The following DPP10 variants were observed in gnomAD, a reference collection of about 807,000 sequenced individuals.
DPP10 encodes the protein dipeptidyl peptidase like 10, also known as inactive dipeptidyl peptidase 10.
Under a neutral mutation model 120.9 loss-of-function variants are expected in DPP10, and 33 were observed. That is an observed-to-expected ratio of 0.27 (90% CI 0.21 to 0.37). DPP10 has a LOEUF of 0.37. DPP10 is among the 10% of genes least tolerant of loss of function. The pLI, the probability that DPP10 is intolerant of heterozygous loss-of-function variation, is 1.00. For synonymous variants in DPP10, 337 were observed against 326.1 expected (o/e 1.03, Z -0.36); for missense variants, 816 against 942.8 (o/e 0.87, Z 1.76).
intron 3 of DPP10, among the ~76,000 whole-genome samples, chr2:115,427,043 A>G (rs1446634498): frequency 6.6e-6 from 1 of 152,240 alleles, no homozygotes; most frequent in East Asian, 1.9e-4. Context: ...AGTTCAAAAC[A>G]CAGCAGGGTA....
chr2:114,552,390 A>G (rs2082132), intron 1 of DPP10, among the ~76,000 whole-genome samples: 6,636 of 152,244 alleles, frequency 0.044, 424 homozygotes, highest in East Asian at 0.22. Flanking sequence ...ACACATCTTC[A>G]TCTCTTAGGG....
Position 114,442,686 on chromosome 2 carries a change from A to C in DPP10, c.-93A>C. The C allele has an allele frequency of 7.1e-7, 1 of 1,402,274 alleles. No homozygotes were observed. The allele number at this position is 1,402,274 out of a possible 1,614,324, so 86.9% of individuals were successfully genotyped here. ...CAGTAGCAGCGGCAGCAGCAACAGC[A>C]GCAGCCCCTACTGAAGTCCAATAGA... is the stretch of plus-strand genomic sequence containing the variant. On this transcript the variant is annotated 5_prime_UTR_variant, in exon 1 of 26. Transcript: ENST00000410059.
At chr2:114,543,367 T>A (rs989746038) in intron 1 of DPP10, among the ~76,000 whole-genome samples, 1 of 152,160 alleles carries the variant, frequency 6.6e-6, no homozygotes, top group East Asian at 1.9e-4. Context: ...CCTCCACTCC[T>A]GCGTCCCTGA....
chr2:115,677,731 A>C (rs1049985539), intron 5 of DPP10, among the ~76,000 whole-genome samples: 2 of 152,242 alleles, frequency 1.3e-5, no homozygotes, highest in Non-Finnish European at 2.9e-5. Flanking sequence ...ACAATGTTAA[A>C]TATGTATGTA....
chr2:114,751,529 A>C (rs1679222102), intron 1 of DPP10, among the ~76,000 whole-genome samples: 1 of 152,200 alleles, frequency 6.6e-6, no homozygotes, highest in Admixed American at 6.5e-5. Flanking sequence ...AATTTAATGC[A>C]GATCTGAAAA....
chr2:115,440,288 C>T (rs1296606459), intron 3 of DPP10, among the ~76,000 whole-genome samples: 1 of 152,078 alleles, frequency 6.6e-6, no homozygotes, highest in South Asian at 2.1e-4. Flanking sequence ...GATTATTATA[C>T]TGGCATTATT....
intron 1 of DPP10, among the ~76,000 whole-genome samples, chr2:114,483,662 G>C (rs1390339773): frequency 6.6e-6 from 1 of 152,090 alleles, no homozygotes; most frequent in Non-Finnish European, 1.5e-5. Context: ...GAGTGCTCAC[G>C]CTAGCTGATC....
At chr2:115,007,114 G>A (rs1022347663) in intron 1 of DPP10, among the ~76,000 whole-genome samples, 2 of 152,094 alleles carry the variant, frequency 1.3e-5, no homozygotes, top group Admixed American at 1.3e-4. Context: ...ACTCCTGAAT[G>A]ACTACTGGGT....
intron 5 of DPP10, among the ~76,000 whole-genome samples, chr2:115,631,445 C>T (rs1225097892): frequency 6.6e-6 from 1 of 152,014 alleles, no homozygotes; most frequent in Non-Finnish European, 1.5e-5. Context: ...TTCTTGTCTT[C>T]TGCCAGTTTT....
At chr2:115,309,775 C>T (rs2061506141) in intron 2 of DPP10, among the ~76,000 whole-genome samples, 1 of 151,974 alleles carries the variant, frequency 6.6e-6, no homozygotes, top group Non-Finnish European at 1.5e-5. Context: ...AAGATCAGAT[C>T]GAAAGAGAGT....
At chr2:114,785,945 C>G (rs1682729926) in intron 1 of DPP10, among the ~76,000 whole-genome samples, 1 of 152,134 alleles carries the variant, frequency 6.6e-6, no homozygotes, top group Non-Finnish European at 1.5e-5. Context: ...CTTTTCCTGA[C>G]CTCCAGACCA....
intron 1 of DPP10, among the ~76,000 whole-genome samples, chr2:114,908,362 C>A (rs1694127484): frequency 6.6e-6 from 1 of 151,840 alleles, no homozygotes; most frequent in South Asian, 2.1e-4. Flanking sequence ...TATTGTATGT[C>A]TCACGTCTCT....
At chr2:114,937,183 G>A (rs1057134119) in intron 1 of DPP10, among the ~76,000 whole-genome samples, 1 of 152,052 alleles carries the variant, frequency 6.6e-6, no homozygotes, top group Admixed American at 6.6e-5. Flanking sequence ...TGTCTAGAAG[G>A]GTTTTCTGAA....
intron 1 of DPP10, among the ~76,000 whole-genome samples, chr2:114,797,998 T>C (rs1683864339): frequency 6.6e-6 from 1 of 152,176 alleles, no homozygotes; most frequent in Non-Finnish European, 1.5e-5. Flanking sequence ...ACTTCCCCTT[T>C]GAGATAGTCT....
At chr2:114,593,404 A>G (rs72953516) in intron 1 of DPP10, among the ~76,000 whole-genome samples, 23,223 of 151,992 alleles carry the variant, frequency 0.15, 2,239 homozygotes, top group African/African-American at 0.27. Context: ...TGCTCCACGA[A>G]GAGCTGTGAA....
chr2:115,568,623 T>G (rs903325987), intron 5 of DPP10, among the ~76,000 whole-genome samples: 11 of 152,146 alleles, frequency 7.2e-5, no homozygotes, highest in Non-Finnish European at 1.5e-4. Flanking sequence ...TTTGCTCATT[T>G]TTCTATCGCG....
At chr2:114,693,023 A>G (rs113030585) in intron 1 of DPP10, among the ~76,000 whole-genome samples, 2 of 151,872 alleles carry the variant, frequency 1.3e-5, no homozygotes, top group African/African-American at 2.4e-5. Flanking sequence ...GGTCTTGGCC[A>G]TTTATCCAGC....
At position 115,203,009 on chromosome 2, in the gene DPP10, A is replaced by G. The variant is rs112109220; in HGVS notation, c.61-106230A>G. On this transcript the variant is annotated intron_variant, in intron 1 of 25. Coordinates refer to ENST00000410059, the MANE Select transcript of DPP10 (RefSeq NM_020868.6). ...CTTTTGGAGTTAATGCTTATTTTGC[A>G]TAGAAATAAAGGCATAAAGGAAATT... is the stretch of plus-strand genomic sequence containing the variant. Among the ~76,000 whole-genome samples the G allele has an allele frequency of 5.1e-3, 770 of 152,340 alleles. 5 individuals carry two copies. Among genetic ancestry groups the G allele is most frequent in the African/African-American group, 0.017 (704 of 41,574 alleles).
chr2:115,600,486 A>G (rs911485301), intron 5 of DPP10, among the ~76,000 whole-genome samples: 2 of 152,230 alleles, frequency 1.3e-5, no homozygotes, highest in Non-Finnish European at 2.9e-5. Context: ...CAACTTAATT[A>G]AACGTGTTAG....
Sources: gnomAD v4.1 joint callset for allele counts (sites outside exome capture counted in the v4.1 genomes callset) on GRCh38, gnomAD v4.1.1 for gene constraint, MANE v1.5 for transcripts, NCBI Gene and HGNC (gene_info 2026-07-23, HGNC 2026-07-21) for gene names.